Variants in PHLDB3 observed in about 807,000 individuals in gnomAD.
PHLDB3 encodes the protein pleckstrin homology-like domain family B member 3.
In PHLDB3, 86 loss-of-function variants were observed where a neutral mutation model predicts 85.7. That is an observed-to-expected ratio of 1.00 (90% CI 0.84 to 1.20). The LOEUF is 1.20. Among genes scored for constraint, PHLDB3 ranks in the 50% most tolerant of loss-of-function variants. The pLI is 0.00. For missense variants in PHLDB3, 995 were observed against 873.0 expected (o/e 1.14, Z -1.76); for synonymous variants, 376 against 349.8 (o/e 1.07, Z -0.83).
chr19:43,497,190 A>G lies in PHLDB3; in HGVS notation c.753T>C (p.Asp251=). ...GCACCTGGGGCCCAGGGCTGTCCCG[A>G]TCCTCCTCCTCCTGCCGGCTCTCCC... ...LERESRQEEE[D]RDSPGPQVPD... is the part of the protein sequence containing the mutation. The change falls in exon 6 of 16, where the codon GAT becomes GAC. Residue 251 remains aspartate, a synonymous_variant. Transcript: ENST00000292140. The G allele has an allele frequency of 6.4e-7, 1 of 1,565,494 alleles. No individual in the cohort carries two copies. The highest frequency in any genetic ancestry group is 8.6e-7 in the Non-Finnish European group (1 of 1,157,950).
At chr19:43,489,483 G>A (rs1599945910) in intron 9 of PHLDB3, among the ~76,000 whole-genome samples, 1 of 151,916 alleles carries the variant, frequency 6.6e-6, no homozygotes, top group African/African-American at 2.4e-5. Flanking sequence ...AATATCTCTG[G>A]GGAACACATG....
intron 13 of PHLDB3, among the ~76,000 whole-genome samples, chr19:43,481,087 G>C (rs1971035636): frequency 1.3e-5 from 2 of 152,178 alleles, no homozygotes; most frequent in Non-Finnish European, 2.9e-5. Context: ...TTTCAGGGTG[G>C]AGTCTGGAGT....
Position 43,486,291 on chromosome 19 carries a change from G to A in PHLDB3, c.1460C>T (p.Ser487Leu). The change falls in exon 13 of 16, where the codon TCA (serine) becomes TTA (leucine). Residue 487 changes from serine to leucine, a missense_variant. Coordinates refer to ENST00000292140, the MANE Select transcript of PHLDB3 (RefSeq NM_198850.4). ...CGTGATGGCAGGAACAGCAGGGCCT[G>A]AGGAACCTTCCGTGCCCCTTCTTGT... ...EGTRRGTEGS[S>L]GPAVPAITAP... The A allele has an allele frequency of 6.2e-7, 1 of 1,610,532 alleles. No homozygotes were observed. Among genetic ancestry groups the A allele is most frequent in the Non-Finnish European group, 8.5e-7 (1 of 1,178,782 alleles).
chr19:43,502,266 C>G lies in PHLDB3; in HGVS notation c.231G>C (p.Pro77=). 1 of 1,561,488 alleles carries G rather than the reference C, an allele frequency of 6.4e-7. No individual in the cohort carries two copies. Among genetic ancestry groups the G allele is most frequent in the South Asian group, 1.2e-5 (1 of 85,314 alleles). The change falls in exon 3 of 16, where the codon CCG becomes CCC. Residue 77 remains proline, a synonymous_variant. Transcript: ENST00000292140. The part of the protein sequence containing the change: ...SSRDAPEATP[P]IAMAATPPAS... ...CGGGAGGTGTGGCCGCCATAGCTAT[C>G]GGAGGCGTAGCCTCGGGCTGAAGTT...
At chr19:43,493,210 C>A (rs758628406) in intron 9 of PHLDB3, among the ~76,000 whole-genome samples, 3 of 151,262 alleles carry the variant, frequency 2.0e-5, no homozygotes, top group Non-Finnish European at 2.9e-5. Flanking sequence ...ACCCAGGAGG[C>A]GGAGGTTGCA....
intron 13 of PHLDB3, among the ~76,000 whole-genome samples, chr19:43,480,381 A>G (rs1971021130): frequency 6.6e-6 from 1 of 151,338 alleles, no homozygotes; most frequent in African/African-American, 2.4e-5. Flanking sequence ...ACTTGAGGCT[A>G]TGAGTTGGAG....
At chr19:43,485,424 G>A (rs371905230) in intron 13 of PHLDB3, among the ~76,000 whole-genome samples, 3 of 151,816 alleles carry the variant, frequency 2.0e-5, no homozygotes, top group East Asian at 1.9e-4. Context: ...TCTTGGCCAG[G>A]CTGGTCTTGA....
chr19:43,481,478 C>T (rs987552849), intron 13 of PHLDB3, among the ~76,000 whole-genome samples: 14 of 152,184 alleles, frequency 9.2e-5, no homozygotes, highest in Admixed American at 7.9e-4. Flanking sequence ...ATTAGCCAGG[C>T]GTGGTGGCGC....
chr19:43,480,255 T>C (rs1971015908), intron 13 of PHLDB3, among the ~76,000 whole-genome samples: 2 of 121,582 alleles, frequency 1.6e-5, no homozygotes, highest in Admixed American at 9.5e-5. Flanking sequence ...AGAAGACCCC[T>C]TCTCTATTTA....
intron 13 of PHLDB3, among the ~76,000 whole-genome samples, chr19:43,484,425 T>C (rs1162309213): frequency 1.3e-5 from 2 of 150,110 alleles, no homozygotes; most frequent in Non-Finnish European, 3.0e-5. Context: ...AAAAACTTAT[T>C]GGCCAGGCAC....
chr19:43,481,309 C>A (rs561907441), intron 13 of PHLDB3, among the ~76,000 whole-genome samples: 1 of 152,196 alleles, frequency 6.6e-6, no homozygotes, highest in South Asian at 2.1e-4. Context: ...ATGGCGAAAC[C>A]CCGTCTCTAC....
chr19:43,489,429 A>G (rs1056770918), intron 9 of PHLDB3, among the ~76,000 whole-genome samples: 6 of 151,392 alleles, frequency 4.0e-5, no homozygotes, highest in African/African-American at 1.5e-4. Context: ...AGGTATGCAT[A>G]AAAGAGGGAG....
chr19:43,486,869 T>C lies in PHLDB3; in HGVS notation c.1251A>G (p.Glu417=). The change falls in exon 11 of 16, where the codon GAA becomes GAG. Residue 417 remains glutamate (E), a splice_region_variant and synonymous_variant. Coordinates refer to ENST00000292140, the MANE Select transcript of PHLDB3 (RefSeq NM_198850.4). Reference sequence around the variant, plus strand: ...GCGGGAGAGCTGAGGCCTCCAGGGATTCTAGGGTAGAGGGGACCAGGTTAC... The same window carrying C: ...GCGGGAGAGCTGAGGCCTCCAGGGACTCTAGGGTAGAGGGGACCAGGTTAC... ...SPRPLSFHCT[E]SLEASALPPA... The C allele has an allele frequency of 6.4e-7, 1 of 1,553,384 alleles. No individual in the cohort carries two copies. Among genetic ancestry groups the C allele is most frequent in the Non-Finnish European group, 8.7e-7 (1 of 1,148,548 alleles).
intron 4 of PHLDB3, among the ~76,000 whole-genome samples, chr19:43,498,363 GAAAA>G (rs1971514354): frequency 6.7e-6 from 1 of 149,800 alleles, no homozygotes; most frequent in Non-Finnish European, 1.5e-5. Context: ...AGAAAAGACA[GAAAA>G]GAAAGAAAGA....
intron 1 of PHLDB3, 50 bp from the exon 2 acceptor site, chr19:43,504,182 T>A (rs1281739314): frequency 1.4e-6 from 2 of 1,476,352 alleles, no homozygotes; most frequent in Admixed American, 2.2e-5. Flanking sequence ...CTAGGACGGC[T>A]GAGCGCCGCT....
Position 43,479,582 on chromosome 19 carries a change from G to T in PHLDB3, c.1497C>A (p.Thr499=). 3 of 1,498,798 alleles carry T rather than the reference G, an allele frequency of 2.0e-6. No homozygotes were observed. The highest frequency in any genetic ancestry group is 2.7e-6 in the Non-Finnish European group (3 of 1,102,222). The allele number at this position is 1,498,798 out of a possible 1,614,324, so 92.8% of individuals were successfully genotyped here. The stretch of plus-strand genomic sequence containing the variant: ...TTCGCGGGCCTGGAGGGTGGGGTGG[G>T]GTGGGTGGGGCCTGGGGAGCAAAGA... ...PAVPAITAPP[T]PPHPPGPRIL... The change falls in exon 14 of 16, where the codon ACC becomes ACA. Residue 499 remains threonine (T), a synonymous_variant. Transcript: ENST00000292140.
chr19:43,481,871 C>T (rs11665812), intron 13 of PHLDB3, among the ~76,000 whole-genome samples: 18,232 of 151,356 alleles, frequency 0.12, 1,622 homozygotes, highest in African/African-American at 0.23. Flanking sequence ...GAGATGAGAT[C>T]TGCTGGTTGG....
chr19:43,500,964 C>T (rs978121998), intron 4 of PHLDB3, among the ~76,000 whole-genome samples: 3 of 144,422 alleles, frequency 2.1e-5, no homozygotes, highest in African/African-American at 5.1e-5. Context: ...CTTGGCCCAG[C>T]CTAAAAGGAT....
chr19:43,501,412 T>C (rs1303921664), intron 4 of PHLDB3: 3 of 345,050 alleles, frequency 8.7e-6, no homozygotes, highest in South Asian at 2.8e-5. Flanking sequence ...CTCAAACTCC[T>C]GAGCTCAGGC....
Sources: gnomAD v4.1 joint callset for allele counts (sites outside exome capture counted in the v4.1 genomes callset) on GRCh38, gnomAD v4.1.1 for gene constraint, MANE v1.5 for transcripts, NCBI Gene and HGNC (gene_info 2026-07-23, HGNC 2026-07-21) for gene names.